Variants in DNAH12 observed in about 807,000 individuals in gnomAD.
DNAH12 encodes the protein dynein axonemal heavy chain 12.
A neutral mutation model predicts 371.5 loss-of-function variants in DNAH12; 285 were observed. The observed-to-expected ratio is 0.77, with a 90% CI of 0.70 to 0.85. The LOEUF is 0.85. Ranked by LOEUF, DNAH12 falls within the 40% of genes least tolerant of loss-of-function variation. The pLI, the probability that DNAH12 is intolerant of heterozygous loss-of-function variation, is 0.00. For missense variants in DNAH12, 3,611 were observed against 3,689.4 expected, an observed-to-expected ratio of 0.98 and a Z score of 0.55; for synonymous variants, 1,200 against 1,213.0, an observed-to-expected ratio of 0.99 and a Z score of 0.22.
At chr3:57,479,912 G>C (rs1397397708) in intron 13 of DNAH12, among the ~76,000 whole-genome samples, 6 of 152,064 alleles carry the variant, frequency 3.9e-5, no homozygotes, top group Non-Finnish European at 7.4e-5. Context: ...CTGGGATACA[G>C]TCAAAGCAGT....
At chr3:57,537,892 C>A (rs1327595815) in intron 2 of DNAH12, among the ~76,000 whole-genome samples, 2 of 152,040 alleles carry the variant, frequency 1.3e-5, no homozygotes, top group African/African-American at 4.8e-5. Flanking sequence ...ACCATGTTGG[C>A]CAGGATGGTC....
chr3:57,426,158 C>T (rs183268667), intron 34 of DNAH12, among the ~76,000 whole-genome samples: 2 of 152,138 alleles, frequency 1.3e-5, no homozygotes, highest in African/African-American at 4.8e-5. Flanking sequence ...TGAGCAGACA[C>T]AGATTATTAA....
chr3:57,365,639 T>C (rs901447245), intron 57 of DNAH12, among the ~76,000 whole-genome samples: 2 of 152,060 alleles, frequency 1.3e-5, no homozygotes, highest in Admixed American at 6.6e-5. Flanking sequence ...ATATAAAGTA[T>C]AAAGAAAACA....
At chr3:57,334,150 G>C (rs1300754504) in intron 62 of DNAH12, among the ~76,000 whole-genome samples, 1 of 152,098 alleles carries the variant, frequency 6.6e-6, no homozygotes, top group Admixed American at 6.6e-5. Context: ...CTGATGCAAG[G>C]AGATACCACG....
At chr3:57,303,597 C>T (rs551148985) in intron 69 of DNAH12, among the ~76,000 whole-genome samples, 6 of 151,888 alleles carry the variant, frequency 4.0e-5, no homozygotes, top group South Asian at 2.1e-4. Context: ...TTTTTGTTGA[C>T]GGGGTTTTGC....
In DNAH12 at chr3:57,443,574, A is replaced by G. The variant is rs563336386; in HGVS notation, c.4545+1123T>C. The stretch of plus-strand genomic sequence containing the variant: ...TATTTTAAATTTTTAATTGACAAAT[A>G]TTTTTATATATTTAAGGTGCAACAT... On this transcript the variant is annotated intron_variant, in intron 29 of 73. Coordinates refer to ENST00000495027, the MANE Select transcript of DNAH12 (RefSeq NM_001366028.2). Among the ~76,000 whole-genome samples, 10 of 152,266 alleles carry G rather than the reference A, an allele frequency of 6.6e-5. 1 individual carries two copies. The South Asian group carries it at 2.1e-3, about 32-fold the overall frequency.
intron 25 of DNAH12, among the ~76,000 whole-genome samples, chr3:57,450,250 T>TAAAAAAAAAAAAAAA (rs58958877): frequency 1.0e-5 from 1 of 98,580 alleles, no homozygotes; most frequent in Non-Finnish European, 2.0e-5. Flanking sequence ...TGTCTCAATT[T>TAAAAAAAAAAAAAAA]AAAAAAAAAA....
intron 39 of DNAH12, among the ~76,000 whole-genome samples, chr3:57,410,902 C>T (rs1559628370): frequency 6.6e-6 from 1 of 151,618 alleles, no homozygotes; most frequent in Non-Finnish European, 1.5e-5. Flanking sequence ...CTACAAAAAC[C>T]CTACAGCTAA....
intron 19 of DNAH12, among the ~76,000 whole-genome samples, chr3:57,460,939 A>G (rs1436623108): frequency 6.6e-6 from 1 of 152,214 alleles, no homozygotes; most frequent in Non-Finnish European, 1.5e-5. Flanking sequence ...ACATAGTTTC[A>G]AATCAATTGA....
At chr3:57,494,516 C>G (rs545410860) in intron 11 of DNAH12, among the ~76,000 whole-genome samples, 1 of 151,604 alleles carries the variant, frequency 6.6e-6, no homozygotes, top group Admixed American at 6.6e-5. Flanking sequence ...GAGCTGAGAT[C>G]ATACCACTGT....
At chr3:57,387,771 T>A (rs1351857591) in intron 45 of DNAH12, among the ~76,000 whole-genome samples, 2 of 152,272 alleles carry the variant, frequency 1.3e-5, no homozygotes, top group Admixed American at 1.3e-4. Flanking sequence ...TTCATTCTTC[T>A]ACTTCTTGTT....
At chr3:57,379,996 TAATA>T (rs1213778792) in intron 51 of DNAH12, among the ~76,000 whole-genome samples, 50 of 152,200 alleles carry the variant, frequency 3.3e-4, no homozygotes, top group African/African-American at 1.1e-3. Flanking sequence ...TCAGATTTCT[TAATA>T]ATTAATTTAT....
chr3:57,446,180 G>C lies in DNAH12; in HGVS notation c.4030C>G (p.Gln1344Glu). The change falls in exon 27 of 74, where the codon CAG (glutamine) becomes GAG (glutamate). Residue 1344 changes from glutamine (Q) to glutamate (E), a missense_variant. Gln to Glu is a conservative substitution (Grantham distance 29). Around this residue, in one of 3 missense-constraint regions of DNAH12, gnomAD observed 2,266 missense variants for 2,236.9 expected, o/e 1.01. Transcript: ENST00000495027. ...ATAGCTCTCTGAATGCAAAGGATCT[G>C]TTGAGCTACCACTGACAACACTTCC... is the stretch of plus-strand genomic sequence containing the variant. ...ELEVLSVVAQ[Q>E]ILCIQRAIQQ... is the part of the protein sequence containing the mutation. 6.4e-7 allele frequency: 1 copy of C among 1,551,670 alleles called. No homozygotes were observed. Among genetic ancestry groups the C allele is most frequent in the Non-Finnish European group, 8.7e-7 (1 of 1,146,990 alleles).
At chr3:57,467,383 A>G (rs1159137566) in intron 17 of DNAH12, among the ~76,000 whole-genome samples, 2 of 152,094 alleles carry the variant, frequency 1.3e-5, no homozygotes, top group African/African-American at 4.8e-5. Flanking sequence ...CAGCCTCCCA[A>G]AGTGCTGGAA....
chr3:57,518,134 G>A (rs2068268036), intron 4 of DNAH12, among the ~76,000 whole-genome samples: 1 of 151,830 alleles, frequency 6.6e-6, no homozygotes, highest in African/African-American at 2.4e-5. Context: ...TATAACAGCT[G>A]TTACATTTTA....
intron 17 of DNAH12, among the ~76,000 whole-genome samples, chr3:57,465,263 G>T (rs1004210728): frequency 1.5e-4 from 23 of 152,124 alleles, no homozygotes; most frequent in Non-Finnish European, 4.4e-5. Context: ...TATATATATA[G>T]AGAGAGTCTG....
At position 57,542,806 on chromosome 3, in the gene DNAH12, G is replaced by C. The variant is rs200375702; in HGVS notation, c.65C>G (p.Pro22Arg). The change falls in exon 2 of 74, where the codon CCC becomes CGC. Residue 22 changes from proline (P) to arginine (R), a missense_variant. By Grantham distance (103) the Pro-to-Arg change is moderately radical. Transcript: ENST00000495027. ...EKEALNLKLP[P>R]IVHLPENIGV... The stretch of plus-strand genomic sequence containing the variant: ...TATGTTTTCTGGGAGATGGACAATG[G>C]GGGGTAACTTCAAGTTCAGAGCTTC... 3.5e-5 allele frequency: 56 copies of C among 1,608,990 alleles called. 2 individuals carry two copies. In the South Asian group the frequency reaches 4.6e-4, roughly 13 times the overall value.
chr3:57,457,732 C>A lies in DNAH12; in HGVS notation c.3325G>T (p.Ala1109Ser). ...MLRSVHDVIA[A>S]ARLAYPESAR... ...CCTAGGAAACACACCAGCCTGGCTG[C>A]AGCGATCACATCGTGAACACTCCGG... is the stretch of plus-strand genomic sequence containing the variant. The change falls in exon 22 of 74, where the codon GCA becomes TCA. Residue 1109 changes from alanine to serine, a missense_variant. Physicochemically the swap from Ala to Ser is moderately conservative, Grantham distance 99 (BLOSUM62 1). Transcript: ENST00000495027. The A allele has an allele frequency of 6.5e-7, 1 of 1,549,210 alleles. No homozygotes were observed. Among genetic ancestry groups the A allele is most frequent in the Middle Eastern group, 1.7e-4 (1 of 5,990 alleles).
Position 57,394,882 on chromosome 3 carries a change from C to G in DNAH12, c.6949-550G>C, listed in dbSNP as rs936672036. On this transcript the variant is annotated intron_variant, in intron 43 of 73. Transcript: ENST00000495027. Reference sequence around the variant, plus strand: ...GTTTTTATGCAGGGGTCAACTGCAACCCAAATTCCTAATATAAGATATGGG... The same window carrying G: ...GTTTTTATGCAGGGGTCAACTGCAAGCCAAATTCCTAATATAAGATATGGG... Among the ~76,000 whole-genome samples the G allele has an allele frequency of 3.7e-3, 570 of 152,216 alleles. 5 individuals are homozygous for G. Among genetic ancestry groups the G allele is most frequent in the African/African-American group, 0.013 (547 of 41,528 alleles).
Sources: allele counts gnomAD v4.1 joint callset (sites outside exome capture counted in the v4.1 genomes callset), GRCh38; gene constraint gnomAD v4.1.1; regional missense constraint gnomAD v4.1.1; transcripts MANE v1.5; gene names NCBI Gene and HGNC (gene_info 2026-07-23, HGNC 2026-07-21).